CACNB2: variants seen among roughly 807,000 people sequenced by gnomAD.
CACNB2 encodes calcium voltage-gated channel auxiliary subunit beta 2.
In CACNB2, 42 loss-of-function variants were observed where a neutral mutation model predicts 73.3. The ratio of observed to expected loss-of-function variants is 0.57; its 90% CI spans 0.45 to 0.74. The LOEUF is 0.74. Among genes scored for constraint, CACNB2 ranks in the 30% least tolerant of loss-of-function variants. CACNB2 has a pLI of 0.00. For synonymous variants in CACNB2, 348 were observed against 310.3 expected (o/e 1.12, Z -1.28); for missense variants, 940 against 853.0 (o/e 1.10, Z -1.27).
At chr10:18,244,719 A>G (rs2131523947) in intron 2 of CACNB2, among the ~76,000 whole-genome samples, 1 of 152,348 alleles carries the variant, frequency 6.6e-6, no homozygotes, top group South Asian at 2.1e-4. Context: ...GAGTAGGCTG[A>G]GTAATCGCCC....
chr10:18,165,722 T>C (rs2032806658), intron 2 of CACNB2, among the ~76,000 whole-genome samples: 1 of 152,222 alleles, frequency 6.6e-6, no homozygotes, highest in Non-Finnish European at 1.5e-5. Flanking sequence ...TATTTACATA[T>C]ACCAATTCTG....
intron 3 of CACNB2, among the ~76,000 whole-genome samples, chr10:18,449,097 G>A (rs1206068751): frequency 3.3e-5 from 5 of 152,146 alleles, no homozygotes; most frequent in Non-Finnish European, 7.4e-5. Context: ...GCTAAAACGA[G>A]AACGTGCCCA....
At chr10:18,194,682 A>ATT (rs1247483582) in intron 2 of CACNB2, among the ~76,000 whole-genome samples, 1 of 152,156 alleles carries the variant, frequency 6.6e-6, no homozygotes, top group Admixed American at 6.5e-5. Flanking sequence ...CTATTAGAAG[A>ATT]TTTTCACTTG....
At chr10:18,499,639 AGAACCTAG>A in intron 4 of CACNB2, among the ~76,000 whole-genome samples, 2 of 144,862 alleles carry the variant, frequency 1.4e-5, no homozygotes, top group African/African-American at 2.5e-5. Context: ...AAAAAAAAAA[AGAACCTAG>A]AAGCCTGGGT....
At chr10:18,508,798 G>C (rs1396246819) in intron 6 of CACNB2, among the ~76,000 whole-genome samples, 1 of 152,204 alleles carries the variant, frequency 6.6e-6, no homozygotes, top group Non-Finnish European at 1.5e-5. Context: ...CTTATGATAA[G>C]GTTATGTCCT....
At chr10:18,512,580 A>G (rs1387909167) in intron 6 of CACNB2, among the ~76,000 whole-genome samples, 1 of 152,192 alleles carries the variant, frequency 6.6e-6, no homozygotes, top group Non-Finnish European at 1.5e-5. Context: ...GTGCAAATGT[A>G]ATTGCGGTTT....
chr10:18,406,547 T>C (rs2044297662), intron 3 of CACNB2, among the ~76,000 whole-genome samples: 1 of 152,182 alleles, frequency 6.6e-6, no homozygotes, highest in Admixed American at 6.5e-5. Flanking sequence ...GGTTGCGCAC[T>C]CCTTATGAGA....
intron 3 of CACNB2, among the ~76,000 whole-genome samples, chr10:18,424,865 C>A (rs1009805199): frequency 6.6e-6 from 1 of 152,186 alleles, no homozygotes; most frequent in Non-Finnish European, 1.5e-5. Flanking sequence ...TCAATCTGTT[C>A]TCTGTCCATG....
At chr10:18,534,323 A>G in intron 11 of CACNB2, 96 bp downstream of exon 11, 1 of 1,058,704 alleles carries the variant, frequency 9.4e-7, no homozygotes, top group Non-Finnish European at 1.5e-6. Context: ...AATAGCCTTT[A>G]TGATGTATAG....
chr10:18,301,140 C>G (rs1361059739), intron 2 of CACNB2, among the ~76,000 whole-genome samples: 1 of 152,180 alleles, frequency 6.6e-6, no homozygotes, highest in Non-Finnish European at 1.5e-5. Flanking sequence ...CCTGGCACCA[C>G]AGAAGTTTGG....
chr10:18,337,234 A>G (rs939552540), intron 2 of CACNB2, among the ~76,000 whole-genome samples: 2 of 151,906 alleles, frequency 1.3e-5, no homozygotes, highest in African/African-American at 4.8e-5. Flanking sequence ...GAGTCAAGCA[A>G]TCCTCCCATC....
intron 3 of CACNB2, among the ~76,000 whole-genome samples, chr10:18,452,773 A>G (rs989468502): frequency 3.3e-5 from 5 of 152,200 alleles, no homozygotes; most frequent in African/African-American, 7.2e-5. Context: ...TTCACCAAAA[A>G]AGGTTCTCTG....
At chr10:18,421,993 T>C (rs1293493063) in intron 3 of CACNB2, among the ~76,000 whole-genome samples, 1 of 152,236 alleles carries the variant, frequency 6.6e-6, no homozygotes, top group African/African-American at 2.4e-5. Context: ...GTAAATACTT[T>C]CTTGTGCTAT....
intron 2 of CACNB2, among the ~76,000 whole-genome samples, chr10:18,154,474 G>GT (rs2031872862): frequency 6.6e-6 from 1 of 150,948 alleles, no homozygotes; most frequent in African/African-American, 2.4e-5. Flanking sequence ...TTTTGTTTTT[G>GT]TTTTTTGTTT....
chr10:18,524,957 G>C (rs893081808), intron 9 of CACNB2, among the ~76,000 whole-genome samples: 1 of 149,570 alleles, frequency 6.7e-6, no homozygotes, highest in African/African-American at 2.5e-5. Flanking sequence ...TTGAGCCTGG[G>C]AGGTTGAGGC....
chr10:18,193,191 ATCT>A (rs1349244006), intron 2 of CACNB2, among the ~76,000 whole-genome samples: 1 of 151,718 alleles, frequency 6.6e-6, no homozygotes, highest in East Asian at 1.9e-4. Flanking sequence ...AACATTTCAA[ATCT>A]TCTCTTCTAG....
intron 2 of CACNB2, among the ~76,000 whole-genome samples, chr10:18,360,434 G>A (rs1044558496): frequency 6.6e-6 from 1 of 152,130 alleles, no homozygotes; most frequent in Non-Finnish European, 1.5e-5. Flanking sequence ...TTTGTTGCCC[G>A]GGCTGATCTT....
intron 2 of CACNB2, among the ~76,000 whole-genome samples, chr10:18,212,082 T>C (rs894777087): frequency 6.6e-6 from 1 of 152,138 alleles, no homozygotes; most frequent in Non-Finnish European, 1.5e-5. Context: ...TAGATTGATA[T>C]CTCAGGCACA....
intron 2 of CACNB2, among the ~76,000 whole-genome samples, chr10:18,338,971 C>G (rs997294912): frequency 6.6e-6 from 1 of 151,924 alleles, no homozygotes; most frequent in Admixed American, 6.6e-5. Context: ...AACTCCTGGG[C>G]TCAAATGATC....
Sources: gnomAD v4.1 joint callset for allele counts (sites outside exome capture counted in the v4.1 genomes callset) on GRCh38, gnomAD v4.1.1 for gene constraint, MANE v1.5 for transcripts, NCBI Gene and HGNC (gene_info 2026-07-23, HGNC 2026-07-21) for gene names.